Variants in ZNF804B observed in about 807,000 individuals in gnomAD.
ZNF804B encodes the protein zinc finger 804B.
A neutral mutation model predicts 101.4 loss-of-function variants in ZNF804B; 80 were observed. The ratio of observed to expected loss-of-function variants is 0.79; its 90% CI spans 0.66 to 0.95. ZNF804B has a LOEUF of 0.95. ZNF804B is among the 40% of genes least tolerant of loss of function. The probability of loss-of-function intolerance (pLI) is 0.00; values close to 1 mark genes in which losing one functional copy is unlikely to be tolerated. For synonymous variants in ZNF804B, 622 were observed against 558.8 expected (o/e 1.11, Z -1.59); for missense variants, 1,673 against 1,561.9 (o/e 1.07, Z -1.20).
At chr7:89,084,117 G>T (rs1789738464) in intron 1 of ZNF804B, among the ~76,000 whole-genome samples, 1 of 152,070 alleles carries the variant, frequency 6.6e-6, no homozygotes, top group South Asian at 2.1e-4. Context: ...GACACACAAA[G>T]AAGCTTGATC....
At chr7:89,220,584 G>T (rs1421894829) in intron 2 of ZNF804B, among the ~76,000 whole-genome samples, 2 of 151,832 alleles carry the variant, frequency 1.3e-5, no homozygotes, top group Admixed American at 1.3e-4. Context: ...TGAAGCAAGT[G>T]CCAGATGGTA....
chr7:89,273,990 T>C (rs1005027986), intron 2 of ZNF804B, among the ~76,000 whole-genome samples: 10 of 152,050 alleles, frequency 6.6e-5, no homozygotes, highest in Admixed American at 1.3e-4. Context: ...TAACAGTCTT[T>C]CAAATTCGCG....
At chr7:89,178,242 T>C (rs1461483660) in intron 1 of ZNF804B, among the ~76,000 whole-genome samples, 1 of 152,050 alleles carries the variant, frequency 6.6e-6, no homozygotes, top group Non-Finnish European at 1.5e-5. Context: ...TGTCTTTTGA[T>C]TGGGTAGTTT....
intron 1 of ZNF804B, among the ~76,000 whole-genome samples, chr7:89,111,148 T>C (rs1264623731): frequency 6.6e-6 from 1 of 152,222 alleles, no homozygotes; most frequent in Non-Finnish European, 1.5e-5. Context: ...TCTTGGTTGC[T>C]TCCAAGTTTT....
intron 1 of ZNF804B, among the ~76,000 whole-genome samples, chr7:88,954,391 ACAT>A (rs1793270655): frequency 6.6e-6 from 1 of 151,754 alleles, no homozygotes; most frequent in African/African-American, 2.4e-5. Context: ...GGCTTGAAAC[ACAT>A]CAGCAAGAGA....
intron 1 of ZNF804B, among the ~76,000 whole-genome samples, chr7:88,977,257 G>C (rs1793628783): frequency 6.7e-6 from 1 of 150,074 alleles, no homozygotes; most frequent in Admixed American, 6.7e-5. Flanking sequence ...TGGCCTTGTA[G>C]AATGAGTTTG....
intron 1 of ZNF804B, among the ~76,000 whole-genome samples, chr7:88,841,128 A>C (rs1487601749): frequency 6.6e-6 from 1 of 152,196 alleles, no homozygotes; most frequent in African/African-American, 2.4e-5. Flanking sequence ...GGCCTGTCCA[A>C]AGAAAGATAT....
At chr7:88,975,453 CT>C (rs1562848778) in intron 1 of ZNF804B, among the ~76,000 whole-genome samples, 1 of 150,896 alleles carries the variant, frequency 6.6e-6, no homozygotes, top group Non-Finnish European at 1.5e-5. Flanking sequence ...TATTGCTTGT[CT>C]TTTAGGAAAA....
chr7:89,239,529 C>G (rs1338130484), intron 2 of ZNF804B, among the ~76,000 whole-genome samples: 1 of 152,098 alleles, frequency 6.6e-6, no homozygotes, highest in Admixed American at 6.6e-5. Context: ...ATGTATATCA[C>G]TGGCCAGTTT....
intron 1 of ZNF804B, among the ~76,000 whole-genome samples, chr7:89,057,849 G>T (rs192901245): frequency 6.6e-6 from 1 of 152,238 alleles, no homozygotes; most frequent in African/African-American, 2.4e-5. Flanking sequence ...TCTTTGAGGA[G>T]CTTGGTCAAG....
intron 1 of ZNF804B, among the ~76,000 whole-genome samples, chr7:88,908,277 C>T (rs1303374772): frequency 2.0e-5 from 3 of 149,978 alleles, no homozygotes; most frequent in Non-Finnish European, 4.5e-5. Flanking sequence ...CATGCTGAAA[C>T]GTAATGTGTA....
intron 1 of ZNF804B, among the ~76,000 whole-genome samples, chr7:89,017,940 A>G (rs1017828692): frequency 6.6e-6 from 1 of 152,106 alleles, no homozygotes; most frequent in Non-Finnish European, 1.5e-5. Context: ...TTTTCTATGC[A>G]TAAGATTGTG....
At chr7:89,119,402 G>T (rs1790364665) in intron 1 of ZNF804B, among the ~76,000 whole-genome samples, 1 of 152,080 alleles carries the variant, frequency 6.6e-6, no homozygotes, top group African/African-American at 2.4e-5. Flanking sequence ...ATCTCTATTT[G>T]GCCAGTTTAG....
At chr7:89,259,939 C>T (rs1364739403) in intron 2 of ZNF804B, among the ~76,000 whole-genome samples, 1 of 151,908 alleles carries the variant, frequency 6.6e-6, no homozygotes, top group Non-Finnish European at 1.5e-5. Context: ...GACCTGAGAT[C>T]ACACCACTGC....
chr7:88,778,015 C>T (rs1286478028), intron 1 of ZNF804B, among the ~76,000 whole-genome samples: 4 of 152,080 alleles, frequency 2.6e-5, no homozygotes, highest in Non-Finnish European at 1.5e-5. Flanking sequence ...CCCACTGCTA[C>T]TGTAATGAAC....
At chr7:88,884,477 G>A (rs1792090584) in intron 1 of ZNF804B, among the ~76,000 whole-genome samples, 1 of 150,058 alleles carries the variant, frequency 6.7e-6, no homozygotes, top group Non-Finnish European at 1.5e-5. Context: ...ATCTAATTTT[G>A]GCGTTTTATC....
At chr7:89,239,114 A>G (rs553915630) in intron 2 of ZNF804B, among the ~76,000 whole-genome samples, 1 of 152,182 alleles carries the variant, frequency 6.6e-6, no homozygotes, top group Non-Finnish European at 1.5e-5. Context: ...ATGCTAGTTC[A>G]GGGAGCCCTA....
At chr7:89,190,259 T>C (rs988152869) in intron 1 of ZNF804B, among the ~76,000 whole-genome samples, 1 of 149,960 alleles carries the variant, frequency 6.7e-6, no homozygotes, top group African/African-American at 2.5e-5. Context: ...CACTTGAACC[T>C]GGGAAGCAGA....
intron 1 of ZNF804B, among the ~76,000 whole-genome samples, chr7:88,861,790 G>A (rs1249109968): frequency 6.6e-6 from 1 of 152,138 alleles, no homozygotes; most frequent in Non-Finnish European, 1.5e-5. Context: ...GAGATATGTA[G>A]CACATACTTT....
Sources: allele counts gnomAD v4.1 joint callset (sites outside exome capture counted in the v4.1 genomes callset), GRCh38; gene constraint gnomAD v4.1.1; transcripts MANE v1.5; gene names NCBI Gene and HGNC (gene_info 2026-07-23, HGNC 2026-07-21).